Variants in PRKAG2 observed in about 807,000 individuals in gnomAD.
The protein encoded by PRKAG2 is protein kinase AMP-activated non-catalytic subunit gamma 2, also known as 5'-AMP-activated protein kinase subunit gamma-2.
A neutral mutation model predicts 69.6 loss-of-function variants in PRKAG2; 26 were observed. The observed-to-expected ratio is 0.37, with a 90% CI of 0.27 to 0.52. The LOEUF (loss-of-function observed/expected upper bound fraction) is 0.52. Ranked by LOEUF, PRKAG2 falls within the 20% of genes least tolerant of loss-of-function variation. The probability of loss-of-function intolerance (pLI) is 0.90; values close to 1 mark genes in which losing one functional copy is unlikely to be tolerated. For missense variants in PRKAG2, 557 were observed against 740.0 expected (o/e 0.75, Z 2.87); for synonymous variants, 293 against 285.0 (o/e 1.03, Z -0.28).
Position 151,567,259 on chromosome 7 carries a change from G to A in PRKAG2, c.1234-1374C>T, listed in dbSNP as rs900343663. 6.6e-6 allele frequency among the ~76,000 whole-genome samples: 1 copy of A among 152,154 alleles called. No homozygotes were observed. Among genetic ancestry groups the A allele is most frequent in the Non-Finnish European group, 1.5e-5 (1 of 68,028 alleles). ...AAAGCATGGGGAGTGAGGAACGCTT[G>A]AAAGGGATCCTGGCTCTACCGCTTC... On this transcript the variant is annotated intron_variant, in intron 11 of 15. Coordinates refer to ENST00000287878, the MANE Select transcript of PRKAG2 (RefSeq NM_016203.4). This position sits in a 1 kb window ranked among gnomAD's most constrained non-coding sequence, Gnocchi z 4.2.
At chr7:151,684,196 TTCCCCTCGTCGC>T (rs969582689) in intron 3 of PRKAG2, among the ~76,000 whole-genome samples, 3 of 152,082 alleles carry the variant, frequency 2.0e-5, no homozygotes, top group Non-Finnish European at 4.4e-5. Context: ...GCAACTCCTC[TTCCCCTCGTCGC>T]TCCAGGCCTG....
intron 1 of PRKAG2, among the ~76,000 whole-genome samples, chr7:151,868,620 G>A (rs1020213413): frequency 1.3e-5 from 2 of 152,252 alleles, no homozygotes; most frequent in East Asian, 3.8e-4. Context: ...AAGGACGGCA[G>A]ACAGCTGGTG....
chr7:151,617,717 A>G (rs1820519387), intron 5 of PRKAG2, among the ~76,000 whole-genome samples: 1 of 152,212 alleles, frequency 6.6e-6, no homozygotes. Flanking sequence ...GACTAAGTGT[A>G]TAAGAATGAA....
intron 3 of PRKAG2, among the ~76,000 whole-genome samples, chr7:151,700,377 C>T (rs1038624432): frequency 1.3e-5 from 2 of 152,076 alleles, no homozygotes; most frequent in African/African-American, 2.4e-5. Context: ...TCCAGGCCCC[C>T]ACCCCAGACC....
rs1192524187 is a variant in PRKAG2, at chr7:151,639,960, A to G, written c.685-7822T>C. 2.6e-5 allele frequency among the ~76,000 whole-genome samples: 4 copies of G among 152,084 alleles called. No homozygotes were observed. The South Asian group carries it at 6.2e-4, about 24-fold the overall frequency. On this transcript the variant is annotated intron_variant, in intron 4 of 15. Transcript: ENST00000287878. ...CTCCATCCGTTTCTATCATCTATCT[A>G]TCACCTATTGGCTCTGTCTCTCTGA...
At position 151,641,244 on chromosome 7, in the gene PRKAG2, C is replaced by CTTTTTTTTTTTT. The variant is rs374667332; in HGVS notation, c.685-9118_685-9107dup. ...AGCTTTTTTGTTCCCTTCTTTTTTC[C>CTTTTTTTTTTTT]TTTTTTTTTTTTTTTTTTTTTTGAG... is the stretch of plus-strand genomic sequence containing the variant. On this transcript the variant is annotated intron_variant, in intron 4 of 15. Coordinates refer to ENST00000287878, the MANE Select transcript of PRKAG2 (RefSeq NM_016203.4). 4.3e-4 allele frequency among the ~76,000 whole-genome samples: 45 copies of CTTTTTTTTTTTT among 105,684 alleles called. No homozygotes were observed. In the East Asian group the frequency reaches 6.3e-3, roughly 15 times the overall value. 69.3% of individuals were successfully genotyped at this position (105,684 alleles called of 152,430 possible). A position where few individuals can be genotyped will look rare whatever the true frequency, so the allele number is the denominator to read the frequency against.
Position 151,613,895 on chromosome 7 carries a change from C to T in PRKAG2, c.754+18174G>A, listed in dbSNP as rs538318814. 5.5e-4 allele frequency among the ~76,000 whole-genome samples: 76 copies of T among 138,500 alleles called. 1 individual carries two copies. The highest frequency in any genetic ancestry group is 1.9e-3 in the African/African-American group (71 of 36,990). 90.9% of individuals were successfully genotyped at this position (138,500 alleles called of 152,430 possible). ...TCGGCTCACTGCAACCTCTATCTCC[C>T]GGGTTCAAGCGATTCTCCTGCCTCA... On this transcript the variant is annotated intron_variant, in intron 5 of 15. Transcript: ENST00000287878.
chr7:151,839,798 T>G (rs1381567243), intron 1 of PRKAG2, among the ~76,000 whole-genome samples: 2 of 152,092 alleles, frequency 1.3e-5, no homozygotes, highest in East Asian at 3.9e-4. Context: ...TAGTGGTCCA[T>G]CCAGGGCCAG....
At position 151,632,060 on chromosome 7, in the gene PRKAG2, CG is replaced by C; in HGVS notation, c.754+8del. Reference sequence around the variant, plus strand: ...AGCGCCGGGCCGGCAGCGGGCGGGGCGCACTCACCTTCGTCCTCGAACTCCA... The same window carrying C: ...AGCGCCGGGCCGGCAGCGGGCGGGGCCACTCACCTTCGTCCTCGAACTCCA... On this transcript the variant is annotated splice_region_variant and intron_variant, in intron 5 of 15. Coordinates refer to ENST00000287878, the MANE Select transcript of PRKAG2 (RefSeq NM_016203.4). The surrounding 1 kb of genome is among the most constrained non-coding windows in gnomAD (Gnocchi z 4.2). The C allele has an allele frequency of 4.3e-6, 6 of 1,381,894 alleles. No homozygotes were observed. The highest frequency in any genetic ancestry group is 5.7e-6 in the Non-Finnish European group (6 of 1,053,688). The allele number at this position is 1,381,894 out of a possible 1,614,324, so 85.6% of individuals were successfully genotyped here.
At chr7:151,594,799 T>C (rs542966128) in intron 6 of PRKAG2, among the ~76,000 whole-genome samples, 6 of 151,240 alleles carry the variant, frequency 4.0e-5, no homozygotes, top group African/African-American at 1.5e-4. Context: ...GGACTAAGCT[T>C]TCTTTTTCTT....
chr7:151,814,640 A>C lies in PRKAG2; in HGVS notation c.115-28099T>G, dbSNP rs1295335074. 8.1e-7 allele frequency: 1 copy of C among 1,231,676 alleles called. No individual in the cohort carries two copies. Among genetic ancestry groups the C allele is most frequent in the Admixed American group, 4.2e-5 (1 of 23,708 alleles). The allele number at this position is 1,231,676 out of a possible 1,614,324, so 76.3% of individuals were successfully genotyped here. A position where few individuals can be genotyped will look rare whatever the true frequency, so the allele number is the denominator to read the frequency against. ...CTGTGCTCCGAGCTGCTGCCACTGC[A>C]TGTCTGCAACAGATGGGGACCGGGG... On this transcript the variant is annotated intron_variant, in intron 1 of 15. Coordinates refer to ENST00000287878, the MANE Select transcript of PRKAG2 (RefSeq NM_016203.4). This position sits in a 1 kb window ranked among gnomAD's most constrained non-coding sequence, Gnocchi z 4.8.
rs547059227 is a variant in PRKAG2 at position 151,778,611 on chromosome 7, G to A, written c.466+2541C>T. Among the ~76,000 whole-genome samples the A allele has an allele frequency of 7.4e-4, 113 of 152,292 alleles. 1 individual carries two copies. The highest frequency in any genetic ancestry group is 1.3e-3 in the Non-Finnish European group (89 of 68,022). ...CCAGCTAGCCCTTAAGGCTGAGCAC[G>A]GGGCCTTGGCTGTCCCCAGGCATTC... On this transcript the variant is annotated intron_variant, in intron 3 of 15. Coordinates refer to ENST00000287878, the MANE Select transcript of PRKAG2 (RefSeq NM_016203.4).
chr7:151,743,905 G>A (rs775738983), intron 3 of PRKAG2, among the ~76,000 whole-genome samples: 5 of 152,176 alleles, frequency 3.3e-5, no homozygotes, highest in Admixed American at 6.5e-5. Flanking sequence ...ACTAGGTCCC[G>A]TTCACTCTAA....
rs546513380 is a variant in PRKAG2 at position 151,769,611 on chromosome 7, C to G, written c.466+11541G>C. On this transcript the variant is annotated intron_variant, in intron 3 of 15. Coordinates refer to ENST00000287878, the MANE Select transcript of PRKAG2 (RefSeq NM_016203.4). Reference sequence around the variant, plus strand: ...CATGGTCCTGCTGACACCCTGATTCCAACTTCCAGCCTCCAGAATTGTGGG... The same window carrying G: ...CATGGTCCTGCTGACACCCTGATTCGAACTTCCAGCCTCCAGAATTGTGGG... Among the ~76,000 whole-genome samples the G allele has an allele frequency of 1.2e-4, 18 of 152,354 alleles. No homozygotes were observed. In the South Asian group the frequency reaches 2.9e-3, roughly 25 times the overall value.
chr7:151,662,435 C>T (rs531177635), intron 4 of PRKAG2, among the ~76,000 whole-genome samples: 20 of 152,318 alleles, frequency 1.3e-4, no homozygotes, highest in African/African-American at 3.1e-4. Flanking sequence ...TCTTCCCACA[C>T]GCCACATATC....
At chr7:151,604,367 T>G (rs1816963581) in intron 5 of PRKAG2, among the ~76,000 whole-genome samples, 1 of 152,208 alleles carries the variant, frequency 6.6e-6, no homozygotes, top group African/African-American at 2.4e-5. Flanking sequence ...CTAGGTACAG[T>G]GGCTCCCACC....
chr7:151,750,233 A>G (rs2074575362), intron 3 of PRKAG2, among the ~76,000 whole-genome samples: 1 of 152,198 alleles, frequency 6.6e-6, no homozygotes, highest in African/African-American at 2.4e-5. Flanking sequence ...CAAAATGACC[A>G]TATGACCCAG....
At position 151,835,201 on chromosome 7, in the gene PRKAG2, G is replaced by A. The variant is rs953573685; in HGVS notation, c.114+41306C>T. Among the ~76,000 whole-genome samples, 53 of 152,226 alleles carry A rather than the reference G, an allele frequency of 3.5e-4. No homozygotes were observed. The highest frequency in any genetic ancestry group is 1.1e-3 in the Admixed American group (17 of 15,300). ...CACACAATTCAACTCATAACAGGGT[G>A]CCCTTAGAAAGGTTTTATGTTCATT... On this transcript the variant is annotated intron_variant, in intron 1 of 15. Transcript: ENST00000287878. The surrounding 1 kb of genome is among the most constrained non-coding windows in gnomAD (Gnocchi z 4.1).
At chr7:151,772,004 G>C (rs1211754884) in intron 3 of PRKAG2, among the ~76,000 whole-genome samples, 2 of 152,234 alleles carry the variant, frequency 1.3e-5, no homozygotes, top group Non-Finnish European at 2.9e-5. Context: ...TAGACCCTGA[G>C]AAAGCTTTGA....
Sources: gnomAD v4.1 joint callset for allele counts (sites outside exome capture counted in the v4.1 genomes callset) on GRCh38, gnomAD v4.1.1 for gene constraint, Gnocchi (gnomAD v3.1) non-coding constraint, MANE v1.5 for transcripts, NCBI Gene and HGNC (gene_info 2026-07-23, HGNC 2026-07-21) for gene names.